The following NTRK3 variants were observed in gnomAD, a reference collection of about 807,000 sequenced individuals.
NTRK3 encodes neurotrophic receptor tyrosine kinase 3.
A neutral mutation model predicts 91.7 loss-of-function variants in NTRK3; 24 were observed. The ratio of observed to expected loss-of-function variants is 0.26; its 90% CI spans 0.19 to 0.37. The LOEUF is 0.37. Among genes scored for constraint, NTRK3 ranks in the 10% least tolerant of loss-of-function variants. NTRK3 has a pLI of 1.00. For missense variants in NTRK3, 880 were observed against 1,068.9 expected (o/e 0.82, Z 2.46); for synonymous variants, 483 against 404.0 (o/e 1.20, Z -2.34).
chr15:88,049,312 A>G (rs1248236698), intron 13 of NTRK3, among the ~76,000 whole-genome samples: 2 of 152,066 alleles, frequency 1.3e-5, no homozygotes, highest in African/African-American at 2.4e-5. Flanking sequence ...AGCAGGCATA[A>G]TTTTGACCCT....
At chr15:87,982,923 T>C (rs1175080376) in intron 14 of NTRK3, among the ~76,000 whole-genome samples, 1 of 151,970 alleles carries the variant, frequency 6.6e-6, no homozygotes, top group Non-Finnish European at 1.5e-5. Flanking sequence ...GGAGAAGGTA[T>C]TCCCTGCATC....
intron 13 of NTRK3, among the ~76,000 whole-genome samples, chr15:88,058,885 A>T (rs1339616054): frequency 6.6e-6 from 1 of 152,194 alleles, no homozygotes; most frequent in Non-Finnish European, 1.5e-5. Flanking sequence ...TTGTCAGCCA[A>T]GTGTCCACCT....
chr15:88,221,573 T>C (rs1300349327), intron 3 of NTRK3, among the ~76,000 whole-genome samples: 1 of 152,162 alleles, frequency 6.6e-6, no homozygotes. Flanking sequence ...GGTGGATCCC[T>C]TGAGCCCAGG....
At chr15:88,087,316 T>C (rs546908613) in intron 13 of NTRK3, among the ~76,000 whole-genome samples, 29 of 152,228 alleles carry the variant, frequency 1.9e-4, no homozygotes, top group African/African-American at 6.7e-4. Flanking sequence ...CCCTGCCCTG[T>C]CTTCTGCAAG....
chr15:88,185,499 G>A (rs1163457842), intron 3 of NTRK3, among the ~76,000 whole-genome samples: 2 of 152,066 alleles, frequency 1.3e-5, no homozygotes, highest in African/African-American at 4.8e-5. Context: ...CAGCTCTAAA[G>A]GTGTATGAAT....
At chr15:88,211,121 T>C (rs531075060) in intron 3 of NTRK3, among the ~76,000 whole-genome samples, 5 of 152,366 alleles carry the variant, frequency 3.3e-5, no homozygotes, top group South Asian at 4.1e-4. Flanking sequence ...TTCTATTTAG[T>C]GCCAAAGCAT....
intron 14 of NTRK3, chr15:87,977,889 T>A (rs1447322345): frequency 4.3e-6 from 1 of 232,540 alleles, no homozygotes; most frequent in African/African-American, 2.2e-5. Flanking sequence ...AAACTCCCAG[T>A]TAAATTTGCC....
intron 13 of NTRK3, among the ~76,000 whole-genome samples, chr15:88,124,505 G>A (rs142130643): frequency 6.6e-6 from 1 of 152,206 alleles, no homozygotes; most frequent in South Asian, 2.1e-4. Context: ...CTCAGGGGAA[G>A]AGCAACAATG....
exon 19 of NTRK3, chr15:87,860,723 T>A: frequency 4.8e-6 from 1 of 209,688 alleles, no homozygotes. Flanking sequence ...CCTCAGTCAC[T>A]TATGTTAAGT....
In NTRK3 at chr15:88,022,332, G is replaced by T. The variant is rs552168254; in HGVS notation, c.1585+10525C>A. On this transcript the variant is annotated intron_variant, in intron 14 of 18. Coordinates refer to ENST00000394480, the Ensembl canonical transcript of NTRK3. ...ACCAAAAAACCCATTTTGGCTTTAC[G>T]CCCAAGCTGCCTTCTTGGGCGCAAC... Among the ~76,000 whole-genome samples the T allele has an allele frequency of 2.0e-5, 3 of 152,184 alleles. No homozygotes were observed. In the South Asian group the frequency reaches 6.3e-4, roughly 32 times the overall value.
At position 88,211,373 on chromosome 15, in the gene NTRK3, G is replaced by A. The variant is rs112145962; in HGVS notation, c.249-27074C>T. Among the ~76,000 whole-genome samples the A allele has an allele frequency of 5.0e-3, 763 of 152,358 alleles. 11 individuals are homozygous for A. Among genetic ancestry groups the A allele is most frequent in the African/African-American group, 0.017 (714 of 41,582 alleles). On this transcript the variant is annotated intron_variant, in intron 3 of 18. Coordinates refer to ENST00000394480, the Ensembl canonical transcript of NTRK3. ...CTCTTTTATGGCTGAATAATAGGCCGTTATAGAGATAGACCACATGTTTAT... is the reference window on the plus strand; with the variant it reads ...CTCTTTTATGGCTGAATAATAGGCCATTATAGAGATAGACCACATGTTTAT...
intron 3 of NTRK3, among the ~76,000 whole-genome samples, chr15:88,184,571 A>G (rs527843241): frequency 1.3e-5 from 2 of 152,328 alleles, no homozygotes; most frequent in Non-Finnish European, 2.9e-5. Flanking sequence ...ATCAGCTAGA[A>G]AAAGATGCTA....
In NTRK3 at chr15:88,243,989, C is replaced by G. The variant is rs2052602527; in HGVS notation, c.248+11917G>C. Among the ~76,000 whole-genome samples, 1 of 152,186 alleles carries G rather than the reference C, an allele frequency of 6.6e-6. No homozygotes were observed. The highest frequency in any genetic ancestry group is 1.5e-5 in the Non-Finnish European group (1 of 68,040). On this transcript the variant is annotated intron_variant, in intron 3 of 18. Coordinates refer to ENST00000394480, the Ensembl canonical transcript of NTRK3. The surrounding 1 kb of genome is among the most constrained non-coding windows in gnomAD (Gnocchi z 4.8). ...ATGAAACCTCTGAAGCCAATATCCA[C>G]TAACCCTGACTCAGTCTGACCTGGC...
chr15:88,056,204 T>TATATATA (rs377120482), intron 13 of NTRK3, among the ~76,000 whole-genome samples: 2,468 of 95,060 alleles, frequency 0.026, 48 homozygotes, highest in Non-Finnish European at 0.036. Flanking sequence ...ATATATATAT[T>TATATATA]TTTTTTTTAA....
intron 14 of NTRK3, among the ~76,000 whole-genome samples, chr15:87,959,712 T>C (rs2072051121): frequency 6.6e-6 from 1 of 152,200 alleles, no homozygotes; most frequent in Non-Finnish European, 1.5e-5. Flanking sequence ...CATCACAGCA[T>C]TAACTCATTA....
intron 5 of NTRK3, among the ~76,000 whole-genome samples, chr15:88,157,837 G>T (rs564616147): frequency 6.6e-6 from 1 of 152,342 alleles, no homozygotes; most frequent in East Asian, 1.9e-4. Context: ...GGTTAAGCCA[G>T]TTCCCAAGAT....
chr15:88,000,734 T>C (rs946110025), intron 14 of NTRK3, among the ~76,000 whole-genome samples: 7 of 152,234 alleles, frequency 4.6e-5, no homozygotes, highest in Non-Finnish European at 8.8e-5. Context: ...GGATATATTA[T>C]ATTCTTAGTC....
intron 5 of NTRK3, among the ~76,000 whole-genome samples, chr15:88,178,661 G>T (rs542589501): frequency 7.2e-5 from 11 of 152,318 alleles, no homozygotes; most frequent in Admixed American, 3.3e-4. Context: ...AATTCTCTTG[G>T]CTTGCTGGAA....
chr15:88,044,422 G>A (rs1233569437), intron 13 of NTRK3, among the ~76,000 whole-genome samples: 1 of 151,502 alleles, frequency 6.6e-6, no homozygotes, highest in Non-Finnish European at 1.5e-5. Context: ...CACCATACCC[G>A]GCTAATTTTT....
Sources: allele counts gnomAD v4.1 joint callset (sites outside exome capture counted in the v4.1 genomes callset), GRCh38; gene constraint gnomAD v4.1.1; non-coding constraint Gnocchi (gnomAD v3.1); transcripts MANE v1.5; gene names NCBI Gene and HGNC (gene_info 2026-07-23, HGNC 2026-07-21).